DENND4C: variants seen among roughly 807,000 people sequenced by gnomAD.
The protein encoded by DENND4C is DENN domain-containing protein 4C.
A neutral mutation model predicts 203.0 loss-of-function variants in DENND4C; 108 were observed. The observed-to-expected ratio is 0.53, with a 90% CI of 0.46 to 0.62. The LOEUF is 0.62. Ranked by LOEUF, DENND4C falls within the 20% of genes least tolerant of loss-of-function variation. The pLI, the probability that DENND4C is intolerant of heterozygous loss-of-function variation, is 0.00. For missense variants in DENND4C, 2,481 were observed against 2,301.2 expected (o/e 1.08, Z -1.60); for synonymous variants, 871 against 792.4 (o/e 1.10, Z -1.67).
chr9:19,330,446 T>C (rs1013916512), intron 16 of DENND4C, among the ~76,000 whole-genome samples: 8 of 150,158 alleles, frequency 5.3e-5, no homozygotes, highest in South Asian at 2.2e-4. Flanking sequence ...TTCAAGCGAT[T>C]CTCCTGCCTC....
rs193230652 is a variant in DENND4C at position 19,360,128 on chromosome 9, A to G, written c.5161-116A>G. On this transcript the variant is annotated intron_variant, in intron 28 of 32. Transcript: ENST00000434457. ...TTAGCATATTCTCTTGCATGTAGCA[A>G]TGGTCCTAAAATAACTGATTTAAAA... 7.2e-5 allele frequency: 75 copies of G among 1,045,788 alleles called. No homozygotes were observed. The African/African-American group carries it at 8.8e-4, about 12-fold the overall frequency. The allele number at this position is 1,045,788 out of a possible 1,614,324, so 64.8% of individuals were successfully genotyped here.
intron 13 of DENND4C, 105 bp from the exon 14 acceptor site, chr9:19,325,834 G>C: frequency 9.9e-7 from 1 of 1,010,962 alleles, no homozygotes; most frequent in Non-Finnish European, 1.5e-6. Flanking sequence ...GTATCAGCTG[G>C]TACTGAAAAG....
intron 25 of DENND4C, 85 bp from the exon 26 acceptor site, chr9:19,352,405 A>C: frequency 4.4e-6 from 6 of 1,366,358 alleles, no homozygotes; most frequent in Non-Finnish European, 5.9e-6. Context: ...CAGTAGAATA[A>C]AAAAAATCCC....
At position 19,334,959 on chromosome 9, in the gene DENND4C, A is replaced by ATT. The variant is rs112631399; in HGVS notation, c.2461-7_2461-6dup. 2.3e-4 allele frequency: 275 copies of ATT among 1,203,386 alleles called. No individual in the cohort carries two copies. Among genetic ancestry groups the ATT allele is most frequent in the South Asian group, 5.8e-4 (38 of 65,920 alleles). 74.5% of individuals were successfully genotyped at this position (1,203,386 alleles called of 1,614,324 possible). On this transcript the variant is annotated splice_polypyrimidine_tract_variant and intron_variant, in intron 17 of 32. Transcript: ENST00000434457. ...ATTAGTATACTAATTACTGACACTG[A>ATT]TTTTTTTTTTTTGTTAGGTGTGCTA...
At chr9:19,277,385 T>A (rs945232583) in intron 2 of DENND4C, among the ~76,000 whole-genome samples, 5 of 152,198 alleles carry the variant, frequency 3.3e-5, no homozygotes, top group Non-Finnish European at 7.3e-5. Context: ...GTGTATTTTT[T>A]AAATCTGATT....
intron 2 of DENND4C, among the ~76,000 whole-genome samples, chr9:19,284,368 A>G (rs149048395): frequency 6.6e-5 from 10 of 152,258 alleles, no homozygotes; most frequent in African/African-American, 2.4e-4. Context: ...ACCTCTACTG[A>G]TGGACATTTG....
At chr9:19,359,686 T>G (rs1826068691) in intron 28 of DENND4C, among the ~76,000 whole-genome samples, 1 of 148,974 alleles carries the variant, frequency 6.7e-6, no homozygotes, top group Non-Finnish European at 1.5e-5. Context: ...GATGAGAGAG[T>G]CTTAAACATT....
At chr9:19,276,124 T>A in intron 1 of DENND4C, 34 bp from the exon 2 acceptor site, 1 of 1,106,642 alleles carries the variant, frequency 9.0e-7, no homozygotes, top group Non-Finnish European at 1.1e-6. Context: ...TAAAGTATTT[T>A]ATTTTATTGG....
At chr9:19,285,085 AT>A (rs938522058) in intron 2 of DENND4C, among the ~76,000 whole-genome samples, 7 of 152,042 alleles carry the variant, frequency 4.6e-5, no homozygotes, top group African/African-American at 1.7e-4. Context: ...TCCAAATAAT[AT>A]TTTTTTCCAA....
At chr9:19,333,672 A>G (rs960576719) in intron 17 of DENND4C, among the ~76,000 whole-genome samples, 5 of 152,230 alleles carry the variant, frequency 3.3e-5, no homozygotes, top group African/African-American at 1.2e-4. Context: ...GATATACTAG[A>G]CATTTTCATG....
chr9:19,331,505 A>G (rs945771360), intron 16 of DENND4C, among the ~76,000 whole-genome samples: 5 of 152,084 alleles, frequency 3.3e-5, no homozygotes, highest in African/African-American at 1.2e-4. Context: ...CTGGCCAGAA[A>G]CAGGTCTTTT....
chr9:19,324,546 G>GT (rs1357510112), intron 13 of DENND4C, 39 bp downstream of exon 13: 8 of 1,578,348 alleles, frequency 5.1e-6, no homozygotes, highest in Middle Eastern at 1.8e-4. Flanking sequence ...AGAAAAAAAA[G>GT]TTTGCCTTAC....
chr9:19,242,978 C>G (rs1216397531), intron 1 of DENND4C, among the ~76,000 whole-genome samples: 2 of 151,948 alleles, frequency 1.3e-5, no homozygotes, highest in African/African-American at 4.8e-5. Flanking sequence ...TTAAAGTTAG[C>G]TTTATTGAGA....
At chr9:19,292,312 T>C (rs1836502907) in intron 5 of DENND4C, 1 of 151,752 alleles carries the variant, frequency 6.6e-6, no homozygotes, top group South Asian at 2.1e-4. Context: ...TATACAGGTA[T>C]GAGGCACCAT....
chr9:19,366,007 C>T (rs1414771735), intron 30 of DENND4C, among the ~76,000 whole-genome samples: 1 of 152,172 alleles, frequency 6.6e-6, no homozygotes, highest in Non-Finnish European at 1.5e-5. Flanking sequence ...AATTGATTTA[C>T]AGATTGAATG....
intron 30 of DENND4C, among the ~76,000 whole-genome samples, chr9:19,362,421 T>A (rs1210110815): frequency 1.3e-5 from 2 of 152,220 alleles, no homozygotes; most frequent in Middle Eastern, 3.4e-3. Context: ...AAGAATGGAC[T>A]GCTGGGAAGA....
chr9:19,261,106 G>A (rs2131770869), intron 1 of DENND4C, among the ~76,000 whole-genome samples: 1 of 152,138 alleles, frequency 6.6e-6, no homozygotes, highest in African/African-American at 2.4e-5. Flanking sequence ...AGCAATATTT[G>A]TTAAAGAGAC....
rs146537391 is a variant in DENND4C at position 19,308,862 on chromosome 9, C to G, written c.1487+3335C>G. Among the ~76,000 whole-genome samples, 488 of 152,216 alleles carry G rather than the reference C, an allele frequency of 3.2e-3. 3 individuals are homozygous for G. The highest frequency in any genetic ancestry group is 0.011 in the African/African-American group (439 of 41,538). On this transcript the variant is annotated intron_variant, in intron 10 of 32. Transcript: ENST00000434457. ...ACATTTGTATAAATATGTATCTGGG[C>G]TAATTCTTTTCCTTTGATTTGCTTC...
intron 26 of DENND4C, among the ~76,000 whole-genome samples, chr9:19,353,150 A>G (rs1207498248): frequency 2.0e-5 from 3 of 152,224 alleles, no homozygotes; most frequent in African/African-American, 4.8e-5. Flanking sequence ...TGCACGTCCT[A>G]GTAGTATTCT....
Sources: allele counts gnomAD v4.1 joint callset (sites outside exome capture counted in the v4.1 genomes callset), GRCh38; gene constraint gnomAD v4.1.1; transcripts MANE v1.5; gene names NCBI Gene and HGNC (gene_info 2026-07-23, HGNC 2026-07-21).